The following LHFPL3 variants were observed in gnomAD, a reference collection of about 807,000 sequenced individuals.
LHFPL3 encodes LHFPL tetraspan subfamily member 3 protein.
A neutral mutation model predicts 19.3 loss-of-function variants in LHFPL3; 5 were observed. That is an observed-to-expected ratio of 0.26 (90% CI 0.14 to 0.54). The LOEUF is 0.54. LHFPL3 is among the 20% of genes least tolerant of loss of function. The pLI is 0.94. For missense variants in LHFPL3, 249 were observed against 307.4 expected, an observed-to-expected ratio of 0.81 and a Z score of 1.42; for synonymous variants, 133 against 126.2, an observed-to-expected ratio of 1.05 and a Z score of -0.36.
intron 1 of LHFPL3, among the ~76,000 whole-genome samples, chr7:104,520,025 G>A (rs537843328): frequency 5.3e-5 from 8 of 151,482 alleles, no homozygotes; most frequent in Admixed American, 2.6e-4. Context: ...GTCTTGTGCC[G>A]GTTTTCAAAG....
At chr7:104,881,169 C>CAAA (rs60361178) in intron 2 of LHFPL3, among the ~76,000 whole-genome samples, 1 of 91,516 alleles carries the variant, frequency 1.1e-5, no homozygotes, top group South Asian at 3.6e-4. Context: ...GATTCCATCT[C>CAAA]AAAAAAAAAA....
chr7:104,774,623 A>C (rs967682768), intron 2 of LHFPL3, among the ~76,000 whole-genome samples: 1 of 152,176 alleles, frequency 6.6e-6, no homozygotes, highest in Non-Finnish European at 1.5e-5. Context: ...CTAAGCAAAA[A>C]CTTATCACTG....
chr7:104,838,931 A>C (rs1791146980), intron 2 of LHFPL3, among the ~76,000 whole-genome samples: 1 of 152,250 alleles, frequency 6.6e-6, no homozygotes, highest in African/African-American at 2.4e-5. Flanking sequence ...TGTCTAAAGC[A>C]AAAACTGAAA....
intron 2 of LHFPL3, among the ~76,000 whole-genome samples, chr7:104,848,590 G>A (rs369132191): frequency 1.3e-5 from 2 of 152,158 alleles, no homozygotes; most frequent in East Asian, 1.9e-4. Context: ...GAGCCCTCTA[G>A]TGACCAAATT....
intron 1 of LHFPL3, among the ~76,000 whole-genome samples, chr7:104,557,434 A>T (rs1789869562): frequency 6.6e-6 from 1 of 152,150 alleles, no homozygotes; most frequent in African/African-American, 2.4e-5. Flanking sequence ...AAACCATCAG[A>T]TCTTGTGGGA....
intron 2 of LHFPL3, among the ~76,000 whole-genome samples, chr7:104,824,807 T>C (rs1445660974): frequency 1.6e-5 from 2 of 125,044 alleles, no homozygotes; most frequent in African/African-American, 3.1e-5. Context: ...TTTCAAAAAA[T>C]ATATATAATG....
intron 2 of LHFPL3, among the ~76,000 whole-genome samples, chr7:104,886,894 T>C (rs1380753228): frequency 6.6e-6 from 1 of 152,166 alleles, no homozygotes; most frequent in Non-Finnish European, 1.5e-5. Flanking sequence ...AGAAATCACA[T>C]TAAAACTCTT....
chr7:104,855,193 G>A (rs549685744), intron 2 of LHFPL3, among the ~76,000 whole-genome samples: 27 of 152,322 alleles, frequency 1.8e-4, no homozygotes, highest in Admixed American at 3.3e-4. Context: ...GCGATACCGT[G>A]AGACACCGTG....
chr7:104,489,611 G>C (rs13308337), intron 1 of LHFPL3, among the ~76,000 whole-genome samples: 16,504 of 151,456 alleles, frequency 0.11, 951 homozygotes, highest in Non-Finnish European at 0.12. Flanking sequence ...CTGACCTGCA[G>C]CCCTTTCAGA....
At chr7:104,395,416 C>T (rs557293749) in intron 1 of LHFPL3, among the ~76,000 whole-genome samples, 2 of 152,316 alleles carry the variant, frequency 1.3e-5, no homozygotes, top group African/African-American at 4.8e-5. Context: ...GTGCTCCAGC[C>T]AGTCTGCCAC....
chr7:104,626,741 C>T (rs935622231), intron 1 of LHFPL3, among the ~76,000 whole-genome samples: 10 of 152,156 alleles, frequency 6.6e-5, no homozygotes, highest in Non-Finnish European at 1.5e-4. Flanking sequence ...TTAGGGTGAG[C>T]AGGCTTATCC....
intron 1 of LHFPL3, among the ~76,000 whole-genome samples, chr7:104,375,128 C>G (rs1790686376): frequency 6.6e-6 from 1 of 152,168 alleles, no homozygotes; most frequent in African/African-American, 2.4e-5. Flanking sequence ...CACTTGAGGT[C>G]AGGAATTTGA....
intron 2 of LHFPL3, among the ~76,000 whole-genome samples, chr7:104,783,459 A>C (rs989489742): frequency 6.6e-6 from 1 of 152,260 alleles, no homozygotes; most frequent in African/African-American, 2.4e-5. Context: ...TAGTTCAATA[A>C]GAAATTTTGA....
chr7:104,536,967 T>TA (rs1794400802), intron 1 of LHFPL3, among the ~76,000 whole-genome samples: 1 of 152,250 alleles, frequency 6.6e-6, no homozygotes, highest in Admixed American at 6.5e-5. Flanking sequence ...TCATGGACTA[T>TA]TTAATCTTCT....
At chr7:104,491,178 A>C (rs776574631) in intron 1 of LHFPL3, among the ~76,000 whole-genome samples, 1 of 152,108 alleles carries the variant, frequency 6.6e-6, no homozygotes, top group Non-Finnish European at 1.5e-5. Context: ...GTTGCATTTA[A>C]ATCTTGACTT....
At chr7:104,423,198 A>G (rs181826653) in intron 1 of LHFPL3, among the ~76,000 whole-genome samples, 17 of 152,322 alleles carry the variant, frequency 1.1e-4, no homozygotes, top group African/African-American at 3.6e-4. Context: ...TGCAAGTTGT[A>G]AGCCTCACTG....
intron 1 of LHFPL3, among the ~76,000 whole-genome samples, chr7:104,555,164 C>T (rs1794740646): frequency 6.6e-6 from 1 of 152,180 alleles, no homozygotes; most frequent in Non-Finnish European, 1.5e-5. Context: ...TCTAGGTATC[C>T]ATTAAGCCAG....
chr7:104,427,354 C>T (rs186851827), intron 1 of LHFPL3, among the ~76,000 whole-genome samples: 192 of 152,334 alleles, frequency 1.3e-3, no homozygotes, highest in Non-Finnish European at 2.1e-3. Flanking sequence ...ACTAAACTAT[C>T]TACGCTAGAG....
intron 1 of LHFPL3, among the ~76,000 whole-genome samples, chr7:104,678,312 C>A (rs1045600660): frequency 4.0e-4 from 61 of 152,292 alleles, no homozygotes; most frequent in African/African-American, 1.4e-3. Context: ...ACAGGCAAGA[C>A]TCTGACGCCC....
Sources: allele counts gnomAD v4.1 joint callset (sites outside exome capture counted in the v4.1 genomes callset), GRCh38; gene constraint gnomAD v4.1.1; transcripts MANE v1.5; gene names NCBI Gene and HGNC (gene_info 2026-07-23, HGNC 2026-07-21).